The following DMRT1 variants were observed in gnomAD, a reference collection of about 807,000 sequenced individuals.
DMRT1 encodes doublesex and mab-3 related transcription factor 1, also known as doublesex- and mab-3-related transcription factor 1.
A neutral mutation model predicts 32.3 loss-of-function variants in DMRT1; 7 were observed. The observed-to-expected ratio is 0.22, with a 90% CI of 0.12 to 0.41. The LOEUF (loss-of-function observed/expected upper bound fraction) is 0.41. Among genes scored for constraint, DMRT1 ranks in the 10% least tolerant of loss-of-function variants. DMRT1 has a pLI of 1.00. For synonymous variants in DMRT1, 278 were observed against 206.1 expected, an observed-to-expected ratio of 1.35 and a Z score of -2.99; for missense variants, 625 against 500.5, an observed-to-expected ratio of 1.25 and a Z score of -2.37.
intron 4 of DMRT1, among the ~76,000 whole-genome samples, chr9:924,554 G>T (rs1319044993): frequency 2.0e-5 from 3 of 152,168 alleles, no homozygotes; most frequent in African/African-American, 7.2e-5. Context: ...TTTGGCAGGT[G>T]CCTGGCAGTG....
chr9:852,890 C>G (rs938502613), intron 2 of DMRT1, among the ~76,000 whole-genome samples: 6 of 152,174 alleles, frequency 3.9e-5, no homozygotes, highest in Admixed American at 6.6e-5. Flanking sequence ...AGCAGTTACT[C>G]CACTTGGAGA....
chr9:868,515 G>A (rs1394943786), intron 2 of DMRT1, among the ~76,000 whole-genome samples: 2 of 152,252 alleles, frequency 1.3e-5, no homozygotes, highest in East Asian at 3.9e-4. Flanking sequence ...GAATCAAAAG[G>A]CCTGGGTTTC....
intron 2 of DMRT1, among the ~76,000 whole-genome samples, chr9:858,247 G>A (rs1000371315): frequency 3.9e-5 from 6 of 152,166 alleles, no homozygotes; most frequent in Admixed American, 6.5e-5. Flanking sequence ...TTCAGACCTG[G>A]TTGTAGCATT....
At chr9:908,918 G>T (rs1817876228) in intron 3 of DMRT1, among the ~76,000 whole-genome samples, 1 of 152,052 alleles carries the variant, frequency 6.6e-6, no homozygotes, top group Non-Finnish European at 1.5e-5. Context: ...TGAATGCCCA[G>T]CCCCAGCCCC....
chr9:848,538 C>G lies in DMRT1; in HGVS notation c.538+1395C>G, dbSNP rs963151177. Among the ~76,000 whole-genome samples, 81 of 137,160 alleles carry G rather than the reference C, an allele frequency of 5.9e-4. 1 individual carries two copies. Among genetic ancestry groups the G allele is most frequent in the Non-Finnish European group, 3.4e-4 (22 of 65,434 alleles). The allele number at this position is 137,160 out of a possible 152,430, so 90.0% of individuals were successfully genotyped here. ...GTATGTCCTTATAATAGTTTCCAAA[C>G]TTTTGTTTCCTTTCTTTTTTTTTTT... On this transcript the variant is annotated intron_variant, in intron 2 of 4. Coordinates refer to ENST00000382276, the MANE Select transcript of DMRT1 (RefSeq NM_021951.3).
chr9:888,040 G>T (rs1816998805), intron 2 of DMRT1, among the ~76,000 whole-genome samples: 1 of 152,156 alleles, frequency 6.6e-6, no homozygotes, highest in South Asian at 2.1e-4. Flanking sequence ...GTCTTCTGAA[G>T]AATATTAAAT....
chr9:902,636 A>G (rs1380209313), intron 3 of DMRT1, among the ~76,000 whole-genome samples: 1 of 151,526 alleles, frequency 6.6e-6, no homozygotes, highest in Non-Finnish European at 1.5e-5. Flanking sequence ...CTACAGGCAC[A>G]CGCCACCATA....
At chr9:862,039 C>A (rs1219459502) in intron 2 of DMRT1, among the ~76,000 whole-genome samples, 2 of 151,622 alleles carry the variant, frequency 1.3e-5, no homozygotes, top group Non-Finnish European at 3.0e-5. Flanking sequence ...GGCGGAGGGG[C>A]TCCTCACATC....
chr9:847,709 T>C (rs1009852338), intron 2 of DMRT1, among the ~76,000 whole-genome samples: 1 of 152,186 alleles, frequency 6.6e-6, no homozygotes, highest in African/African-American at 2.4e-5. Flanking sequence ...TTAGAAAGTA[T>C]CTGAATGAGT....
chr9:851,945 T>C (rs1815156320), intron 2 of DMRT1, among the ~76,000 whole-genome samples: 1 of 90,272 alleles, frequency 1.1e-5, no homozygotes, highest in Admixed American at 1.1e-4. Flanking sequence ...CACTTTTTTT[T>C]TGTTTTTTTT....
At chr9:958,185 G>C (rs539182899) in intron 4 of DMRT1, among the ~76,000 whole-genome samples, 2 of 152,162 alleles carry the variant, frequency 1.3e-5, no homozygotes, top group Admixed American at 1.3e-4. Flanking sequence ...GCTTTTTGAA[G>C]AATATGAGTC....
chr9:842,157 C>T lies in DMRT1; in HGVS notation c.319C>T (p.Leu107=). Residue 107 remains leucine, a synonymous_variant, in exon 1 of 5, where the codon CTG becomes TTG. Coordinates refer to ENST00000382276, the MANE Select transcript of DMRT1 (RefSeq NM_021951.3). The part of the protein sequence containing the change: ...WRDCQCKKCN[L]IAERQRVMAA... ...CGACTGCCAGTGCAAGAAGTGCAAC[C>T]TGATCGCCGAGAGGCAGCGCGTGAT... 1 of 1,548,138 alleles carries T rather than the reference C, an allele frequency of 6.5e-7. No homozygotes were observed. The highest frequency in any genetic ancestry group is 8.7e-7 in the Non-Finnish European group (1 of 1,152,124).
At chr9:905,305 AG>A (rs930649826) in intron 3 of DMRT1, among the ~76,000 whole-genome samples, 6 of 152,150 alleles carry the variant, frequency 3.9e-5, no homozygotes, top group Admixed American at 3.3e-4. Context: ...ACAGGGAAAA[AG>A]GTATTATCCC....
intron 3 of DMRT1, 60 bp downstream of exon 3, chr9:894,255 A>C: frequency 1.3e-6 from 2 of 1,517,934 alleles, no homozygotes; most frequent in Admixed American, 1.7e-5. Context: ...GCATGTGCAC[A>C]CACATGCACA....
At chr9:904,084 A>G (rs1231475464) in intron 3 of DMRT1, among the ~76,000 whole-genome samples, 2 of 152,210 alleles carry the variant, frequency 1.3e-5, no homozygotes, top group Non-Finnish European at 2.9e-5. Flanking sequence ...TAGTCTTGCG[A>G]GGTTGTTACA....
chr9:942,110 T>C (rs1013816658), intron 4 of DMRT1, among the ~76,000 whole-genome samples: 6 of 152,334 alleles, frequency 3.9e-5, no homozygotes, highest in African/African-American at 1.4e-4. Flanking sequence ...AACATCTTGG[T>C]ATTTGAATAA....
chr9:841,960 C>A lies in DMRT1; in HGVS notation c.122C>A (p.Ala41Glu), dbSNP rs1369361504. 1 of 1,593,184 alleles carries A rather than the reference C, an allele frequency of 6.3e-7. No homozygotes were observed. Among genetic ancestry groups the A allele is most frequent in the Admixed American group, 1.7e-5 (1 of 57,618 alleles). ...AAAGCGTCTGGGGCGCTAGTGGGGGCGGCCAGCGGCTCGAGCGCCGGGGGC... is the reference window on the plus strand; with the variant it reads ...AAAGCGTCTGGGGCGCTAGTGGGGGAGGCCAGCGGCTCGAGCGCCGGGGGC... Reference protein sequence around the residue: ...FGKASGALVGAASGSSAGGSS... With the variant: ...FGKASGALVGEASGSSAGGSS... Residue 41 changes from alanine (A) to glutamate (E), a missense_variant, in exon 1 of 5, where the codon GCG (alanine) becomes GAG (glutamate). By Grantham distance (107) the Ala-to-Glu change is moderately radical (BLOSUM62 -1). Around this residue, in one of 3 missense-constraint regions of DMRT1, gnomAD observed 201 missense variants for 152.0 expected, o/e 1.32. Coordinates refer to ENST00000382276, the MANE Select transcript of DMRT1 (RefSeq NM_021951.3).
intron 3 of DMRT1, among the ~76,000 whole-genome samples, chr9:912,260 C>T (rs537824763): frequency 1.3e-5 from 2 of 152,340 alleles, no homozygotes; most frequent in South Asian, 4.1e-4. Context: ...CCACCGCCTA[C>T]CACGTTCCTT....
chr9:941,100 C>G (rs972615630), intron 4 of DMRT1, among the ~76,000 whole-genome samples: 56 of 152,104 alleles, frequency 3.7e-4, no homozygotes, highest in African/African-American at 1.2e-3. Flanking sequence ...GTGCTATAGC[C>G]TTTATGCAAA....
Sources: allele counts gnomAD v4.1 joint callset (sites outside exome capture counted in the v4.1 genomes callset), GRCh38; gene constraint gnomAD v4.1.1; regional missense constraint gnomAD v4.1.1; transcripts MANE v1.5; gene names NCBI Gene and HGNC (gene_info 2026-07-23, HGNC 2026-07-21).